The following CFAP46 variants were observed in gnomAD, a reference collection of about 807,000 sequenced individuals.
CFAP46 encodes cilia and flagella associated protein 46, also known as cilia- and flagella-associated protein 46.
CFAP46 carries 245 observed loss-of-function variants against 325.7 expected under a neutral mutation model. The observed-to-expected ratio is 0.75, with a 90% confidence interval of 0.68 to 0.84. CFAP46 has a LOEUF of 0.84. CFAP46 is among the 40% of genes least tolerant of loss of function. The pLI is 0.00. For missense variants in CFAP46, 3,346 were observed against 3,543.0 expected, an observed-to-expected ratio of 0.94 and a Z score of 1.41; for synonymous variants, 1,523 against 1,495.9, an observed-to-expected ratio of 1.02 and a Z score of -0.42.
intron 57 of CFAP46, 128 bp downstream of exon 57, chr10:132,810,281 G>A: frequency 1.3e-6 from 1 of 799,510 alleles, no homozygotes; most frequent in Non-Finnish European, 2.2e-6. Flanking sequence ...GTTAACGTCT[G>A]GAGTCCCAGG....
chr10:132,814,413 GA>G (rs1180639643), intron 53 of CFAP46, among the ~76,000 whole-genome samples, 159 bp from the exon 54 acceptor site: 2 of 152,330 alleles, frequency 1.3e-5, no homozygotes, highest in South Asian at 2.1e-4. Flanking sequence ...TAGCCAGAGA[GA>G]AAACCTCAAC....
chr10:132,904,418 C>T (rs763936945), intron 22 of CFAP46, among the ~76,000 whole-genome samples: 2 of 152,188 alleles, frequency 1.3e-5, no homozygotes, highest in Non-Finnish European at 2.9e-5. Context: ...GCAATGACAC[C>T]AAGGGCCACT....
intron 24 of CFAP46, chr10:132,898,690 C>T: frequency 1.9e-6 from 1 of 535,578 alleles, no homozygotes; most frequent in South Asian, 1.9e-5. Context: ...CCTCACTCTA[C>T]CCGCTGCTGT....
chr10:132,866,708 T>G (rs1212263091), intron 34 of CFAP46, among the ~76,000 whole-genome samples: 1 of 152,192 alleles, frequency 6.6e-6, no homozygotes, highest in Non-Finnish European at 1.5e-5. Flanking sequence ...GTGTTCTGGA[T>G]CCAGGTCCTG....
intron 55 of CFAP46, 48 bp downstream of exon 55, chr10:132,812,737 T>G (rs775580325): frequency 1.4e-6 from 2 of 1,424,364 alleles, no homozygotes; most frequent in Non-Finnish European, 2.0e-6. Context: ...CTCAGGCGGG[T>G]TTGTCCTGTG....
At chr10:132,854,989 T>C (rs1410998300) in intron 39 of CFAP46, among the ~76,000 whole-genome samples, 1 of 152,208 alleles carries the variant, frequency 6.6e-6, no homozygotes, top group African/African-American at 2.4e-5. Context: ...ACAAAGAGCA[T>C]CTTATTCTGC....
In CFAP46 at chr10:132,810,494, G is replaced by A. The variant is rs1847557125; in HGVS notation, c.7584-5C>T. Reference sequence around the variant, plus strand: ...GCTTCCCAACGGCCAACAGATCTAGGGGAGAAACGTCCCCTCAGGAGGGCA... The same window carrying A: ...GCTTCCCAACGGCCAACAGATCTAGAGGAGAAACGTCCCCTCAGGAGGGCA... On this transcript the variant is annotated splice_polypyrimidine_tract_variant and splice_region_variant and intron_variant, in intron 56 of 57. Transcript: ENST00000368586. 11 of 1,613,204 alleles carry A rather than the reference G, an allele frequency of 6.8e-6. No homozygotes were observed. In the East Asian group the frequency reaches 2.5e-4, roughly 36 times the overall value.
rs971784373 is a variant in CFAP46, at chr10:132,922,457, C to T, written c.1485+23G>A. 34 of 1,520,494 alleles carry T rather than the reference C, an allele frequency of 2.2e-5. No individual in the cohort carries two copies. The African/African-American group carries it at 3.6e-4, about 16-fold the overall frequency. The allele number at this position is 1,520,494 out of a possible 1,614,324, so 94.2% of individuals were successfully genotyped here. ...ATGCTGGGGCTGCAGCACCCAGCCT[C>T]CCTCACTTCCCCGGGGCGGCACCTG... On this transcript the variant is annotated intron_variant, in intron 12 of 57. Transcript: ENST00000368586.
chr10:132,814,835 C>G lies in CFAP46; in HGVS notation c.7188+9G>C. On this transcript the variant is annotated intron_variant, in intron 51 of 57. Coordinates refer to ENST00000368586, the MANE Select transcript of CFAP46 (RefSeq NM_001200049.3). Reference sequence around the variant, plus strand: ...CCAGCCCGATCCCCTATCACAGGCCCCCACCCACCTTCCTGCCCTTCTTCG... The same window carrying G: ...CCAGCCCGATCCCCTATCACAGGCCGCCACCCACCTTCCTGCCCTTCTTCG... 1 of 1,614,194 alleles carries G rather than the reference C, an allele frequency of 6.2e-7. No homozygotes were observed. Among genetic ancestry groups the G allele is most frequent in the Non-Finnish European group, 8.5e-7 (1 of 1,180,016 alleles).
At chr10:132,899,205 G>T in intron 23 of CFAP46, 84 bp from the exon 24 acceptor site, 1 of 1,414,116 alleles carries the variant, frequency 7.1e-7, no homozygotes, top group African/African-American at 1.4e-5. Flanking sequence ...AAGGTCGGGC[G>T]CCCAGGGCCC....
chr10:132,930,322 T>C (rs1161399138), intron 8 of CFAP46, among the ~76,000 whole-genome samples: 2 of 148,070 alleles, frequency 1.4e-5, no homozygotes, highest in East Asian at 4.1e-4. Flanking sequence ...ACACAGAGCA[T>C]GGGACTCCCC....
At position 132,832,397 on chromosome 10, in the gene CFAP46, C is replaced by CCCCCG. The variant is rs1848163676; in HGVS notation, c.7117+960_7117+961insCGGGG. Among the ~76,000 whole-genome samples the CCCCCG allele has an allele frequency of 7.0e-6, 1 of 142,694 alleles. No individual in the cohort carries two copies. Among genetic ancestry groups the CCCCCG allele is most frequent in the Non-Finnish European group, 1.5e-5 (1 of 64,956 alleles). The allele number at this position is 142,694 out of a possible 152,430, so 93.6% of individuals were successfully genotyped here. ...CCCCTGGGCTCTTCCTGCCCCCCCC[C>CCCCCG]CCCAATGCTGTGGCCTGGAAATTCC... On this transcript the variant is annotated intron_variant, in intron 50 of 57. Coordinates refer to ENST00000368586, the MANE Select transcript of CFAP46 (RefSeq NM_001200049.3). The surrounding 1 kb of genome is among the most constrained non-coding windows in gnomAD (Gnocchi z 4.1).
intron 7 of CFAP46, among the ~76,000 whole-genome samples, chr10:132,935,936 T>C (rs1849995254): frequency 5.4e-5 from 6 of 111,800 alleles, no homozygotes; most frequent in East Asian, 2.8e-4. Context: ...CTCACTCCCC[T>C]CGGCACCCAA....
intron 41 of CFAP46, among the ~76,000 whole-genome samples, chr10:132,848,383 G>A (rs897405894): frequency 1.3e-4 from 20 of 152,204 alleles, no homozygotes; most frequent in Admixed American, 3.9e-4. Flanking sequence ...GCCACAGGCA[G>A]AGAGAGAGCT....
intron 9 of CFAP46, among the ~76,000 whole-genome samples, chr10:132,926,976 G>C (rs992138882): frequency 1.3e-5 from 2 of 152,192 alleles, no homozygotes; most frequent in Non-Finnish European, 2.9e-5. Flanking sequence ...CAGGCTGCTT[G>C]GCGGCCCGGG....
intron 17 of CFAP46, among the ~76,000 whole-genome samples, chr10:132,914,837 G>A (rs1026457828): frequency 5.9e-5 from 9 of 152,138 alleles, no homozygotes; most frequent in Non-Finnish European, 1.0e-4. Context: ...GCTGTGTCCA[G>A]CCACACTGCA....
chr10:132,921,597 C>G (rs868663563), intron 13 of CFAP46, among the ~76,000 whole-genome samples: 64 of 152,290 alleles, frequency 4.2e-4, no homozygotes, highest in Admixed American at 2.6e-3. Flanking sequence ...GAAGTCCTCG[C>G]CCCCAGGACT....
chr10:132,918,420 G>C lies in CFAP46; in HGVS notation c.1959C>G (p.Phe653Leu). 6.5e-7 allele frequency: 1 copy of C among 1,548,908 alleles called. No individual in the cohort carries two copies. Among genetic ancestry groups the C allele is most frequent in the Non-Finnish European group, 8.7e-7 (1 of 1,146,020 alleles). Residue 653 changes from phenylalanine (F) to leucine (L), a missense_variant, in exon 16 of 58, where the codon TTC (phenylalanine) becomes TTG (leucine). Coordinates refer to ENST00000368586, the MANE Select transcript of CFAP46 (RefSeq NM_001200049.3). ...CAGCATGGATGAACCCCACCTCCGC[G>C]AACTTCCGCAGCAGGTCGGGGCACA... ...RQVCPDLLRK[F>L]AEVGFIHAEA...
rs11146045 is a variant in CFAP46 at position 132,923,612 on chromosome 10, C to T, written c.1257-904G>A. Among the ~76,000 whole-genome samples the T allele has an allele frequency of 8.6e-5, 13 of 152,008 alleles. 1 individual carries two copies. Among genetic ancestry groups the T allele is most frequent in the Admixed American group, 7.2e-4 (11 of 15,270 alleles). On this transcript the variant is annotated intron_variant, in intron 11 of 57. Coordinates refer to ENST00000368586, the MANE Select transcript of CFAP46 (RefSeq NM_001200049.3). Reference sequence around the variant, plus strand: ...TGGGGGTGCCCCGGACCCCCGGCCTCGAGCAGGCTGTGTGTGACAGGAGCC... The same window carrying T: ...TGGGGGTGCCCCGGACCCCCGGCCTTGAGCAGGCTGTGTGTGACAGGAGCC...
Sources: allele counts gnomAD v4.1 joint callset (sites outside exome capture counted in the v4.1 genomes callset), GRCh38; gene constraint gnomAD v4.1.1; non-coding constraint Gnocchi (gnomAD v3.1); transcripts MANE v1.5; gene names NCBI Gene and HGNC (gene_info 2026-07-23, HGNC 2026-07-21).